SIMC1: variants seen among roughly 807,000 people sequenced by gnomAD.
SIMC1 encodes SUMO interacting motifs containing 1.
Under a neutral mutation model 82.3 loss-of-function variants are expected in SIMC1, and 55 were observed. The ratio of observed to expected loss-of-function variants is 0.67; its 90% CI spans 0.54 to 0.84. The LOEUF (loss-of-function observed/expected upper bound fraction) is 0.84. Ranked by LOEUF, SIMC1 falls within the 40% of genes least tolerant of loss-of-function variation. SIMC1 has a pLI of 0.00. For synonymous variants in SIMC1, 353 were observed against 426.3 expected (o/e 0.83, Z 2.12); for missense variants, 915 against 1,107.2 (o/e 0.83, Z 2.46).
chr5:176,244,561 C>T (rs899257734), intron 1 of SIMC1, among the ~76,000 whole-genome samples: 9 of 151,932 alleles, frequency 5.9e-5, no homozygotes, highest in Non-Finnish European at 1.3e-4. Context: ...GGAAGAGCAG[C>T]TAGTGAGGTT....
intron 7 of SIMC1, among the ~76,000 whole-genome samples, chr5:176,330,775 T>C (rs1368242875): frequency 3.3e-5 from 5 of 152,144 alleles, no homozygotes; most frequent in African/African-American, 1.2e-4. Context: ...CATCATAATA[T>C]TCAGACGTGA....
intron 1 of SIMC1, among the ~76,000 whole-genome samples, chr5:176,260,600 A>G (rs753693868): frequency 1.2e-4 from 15 of 120,474 alleles, no homozygotes; most frequent in Non-Finnish European, 2.8e-4. Context: ...TCTGCATTTT[A>G]TGGTTAAAAA....
chr5:176,252,764 G>A (rs553610035), intron 1 of SIMC1, among the ~76,000 whole-genome samples: 6 of 152,258 alleles, frequency 3.9e-5, no homozygotes, highest in East Asian at 3.9e-4. Context: ...CTGCAATCTC[G>A]GCACTTTGGG....
chr5:176,293,964 AT>A (rs987343277), intron 2 of SIMC1, among the ~76,000 whole-genome samples: 17 of 152,084 alleles, frequency 1.1e-4, no homozygotes, highest in Non-Finnish European at 1.8e-4. Context: ...TTATATACAT[AT>A]TTTTTGGGGG....
intron 1 of SIMC1, among the ~76,000 whole-genome samples, chr5:176,244,651 C>T (rs56344911): frequency 0.14 from 20,531 of 150,076 alleles, 1,441 homozygotes; most frequent in Middle Eastern, 0.21. Flanking sequence ...GGTATGTGTG[C>T]AAATTCCCTA....
intron 2 of SIMC1, 110 bp downstream of exon 2, chr5:176,291,065 T>C (rs1370483281): frequency 1.3e-5 from 9 of 674,432 alleles, no homozygotes; most frequent in Non-Finnish European, 2.2e-5. Context: ...TAAATGAAAT[T>C]TCTTATCTTT....
chr5:176,293,878 A>C lies in SIMC1; in HGVS notation c.1432-1152A>C, dbSNP rs113682193. On this transcript the variant is annotated intron_variant, in intron 2 of 9. Coordinates refer to ENST00000429602, the MANE Select transcript of SIMC1 (RefSeq NM_001308195.2). ...GAAAAATTGAAAAATATAGAAGAGC[A>C]CATAGAGAAAAAATCACCACTAATT... 5.4e-3 allele frequency among the ~76,000 whole-genome samples: 821 copies of C among 152,312 alleles called. 9 individuals carry two copies. Among genetic ancestry groups the C allele is most frequent in the African/African-American group, 0.019 (790 of 41,582 alleles).
chr5:176,330,636 G>T (rs1317559911), intron 7 of SIMC1, among the ~76,000 whole-genome samples: 1 of 152,146 alleles, frequency 6.6e-6, no homozygotes, highest in African/African-American at 2.4e-5. Flanking sequence ...AATATTATCT[G>T]TTGAATAAAA....
At chr5:176,255,063 G>A (rs993412910) in intron 1 of SIMC1, among the ~76,000 whole-genome samples, 2 of 151,652 alleles carry the variant, frequency 1.3e-5, no homozygotes, top group East Asian at 1.9e-4. Flanking sequence ...GATCACCTGA[G>A]GTCAGGGGTT....
intron 1 of SIMC1, among the ~76,000 whole-genome samples, chr5:176,248,167 G>T (rs969185597): frequency 2.0e-5 from 3 of 152,068 alleles, no homozygotes; most frequent in African/African-American, 7.2e-5. Context: ...GCTTGATGGG[G>T]ATAGCATTGA....
intron 5 of SIMC1, 47 bp from the exon 6 acceptor site, chr5:176,322,226 C>A: frequency 6.7e-7 from 1 of 1,497,574 alleles, no homozygotes; most frequent in South Asian, 1.3e-5. Context: ...TTTTTTTCTG[C>A]ACAGAAAAAG....
At position 176,249,721 on chromosome 5, in the gene SIMC1, G is replaced by A. The variant is rs190559827; in HGVS notation, c.129+11084G>A. On this transcript the variant is annotated intron_variant, in intron 1 of 9. Transcript: ENST00000429602. ...TAGCTGGGCATGGTGGCAGGCATCT[G>A]TAGTCCCAGCTACTCAGGAGGCTGA... is the stretch of plus-strand genomic sequence containing the variant. Among the ~76,000 whole-genome samples the A allele has an allele frequency of 2.8e-3, 431 of 151,774 alleles. 1 individual carries two copies. Among genetic ancestry groups the A allele is most frequent in the Middle Eastern group, 0.01 (3 of 290 alleles).
At chr5:176,315,903 A>G (rs1162746427) in intron 5 of SIMC1, among the ~76,000 whole-genome samples, 2 of 152,210 alleles carry the variant, frequency 1.3e-5, no homozygotes, top group African/African-American at 4.8e-5. Context: ...GGCCGGGTAC[A>G]GTGGCTCACA....
At chr5:176,308,347 G>A (rs551276377) in intron 4 of SIMC1, 21 of 1,522,460 alleles carry the variant, frequency 1.4e-5, no homozygotes, top group South Asian at 2.2e-5. Context: ...ATTTCACCAG[G>A]GCAGCTGTCT....
chr5:176,274,426 T>C (rs1762589259), intron 1 of SIMC1, among the ~76,000 whole-genome samples: 1 of 151,836 alleles, frequency 6.6e-6, no homozygotes, highest in Non-Finnish European at 1.5e-5. Flanking sequence ...GATGAGTAGG[T>C]TGCAAAAATT....
chr5:176,330,273 C>T (rs1379925688), intron 7 of SIMC1, among the ~76,000 whole-genome samples: 4 of 151,966 alleles, frequency 2.6e-5, no homozygotes, highest in East Asian at 1.9e-4. Context: ...TGGTAGCATA[C>T]GCCTGTTATC....
intron 1 of SIMC1, chr5:176,270,521 G>A (rs1271990096): frequency 6.6e-6 from 1 of 152,098 alleles, no homozygotes; most frequent in African/African-American, 2.4e-5. Context: ...TAAAACTCAG[G>A]TGAGCAATCA....
intron 4 of SIMC1, among the ~76,000 whole-genome samples, chr5:176,311,204 T>C (rs1173714121): frequency 6.6e-6 from 1 of 152,194 alleles, no homozygotes; most frequent in Non-Finnish European, 1.5e-5. Context: ...ACTTTTAAAA[T>C]GGCTGAATTT....
At chr5:176,251,734 C>T (rs377442634) in intron 1 of SIMC1, among the ~76,000 whole-genome samples, 10,551 of 151,162 alleles carry the variant, frequency 0.07, 1,207 homozygotes, top group African/African-American at 0.24. Context: ...TGTGGCCTTC[C>T]GCAGTGTTTG....
Sources: gnomAD v4.1 joint callset for allele counts (sites outside exome capture counted in the v4.1 genomes callset) on GRCh38, gnomAD v4.1.1 for gene constraint, MANE v1.5 for transcripts, NCBI Gene and HGNC (gene_info 2026-07-23, HGNC 2026-07-21) for gene names.